The following SHCBP1L variants were observed in gnomAD, a reference collection of about 807,000 sequenced individuals.
The protein encoded by SHCBP1L is testicular spindle-associated protein SHCBP1L.
A neutral mutation model predicts 62.5 loss-of-function variants in SHCBP1L; 67 were observed. The observed-to-expected ratio is 1.07, with a 90% CI of 0.88 to 1.31. The LOEUF is 1.31. SHCBP1L is among the 40% of genes most tolerant of loss of function. The probability of loss-of-function intolerance (pLI) is 0.00; values close to 1 mark genes in which losing one functional copy is unlikely to be tolerated. For synonymous variants in SHCBP1L, 284 were observed against 289.4 expected, an observed-to-expected ratio of 0.98 and a Z score of 0.19; for missense variants, 823 against 809.8, an observed-to-expected ratio of 1.02 and a Z score of -0.20.
At chr1:182,915,415 AAAC>A (rs1419342262) in intron 6 of SHCBP1L, among the ~76,000 whole-genome samples, 2 of 152,254 alleles carry the variant, frequency 1.3e-5, no homozygotes, top group African/African-American at 2.4e-5. Context: ...TATGCAAACC[AAAC>A]AACAAGGTCT....
chr1:182,952,797 G>T lies in SHCBP1L; in HGVS notation c.337C>A (p.Arg113Ser), dbSNP rs761718095. The change falls in exon 1 of 10, where the codon CGT becomes AGT. Residue 113 changes from arginine (R) to serine (S), a missense_variant. Transcript: ENST00000367547. ...TCGTCCCGCCACATCCCCCTCATAC[G>T]GGACACGCAGACTGGGGGCAGGGGC... is the stretch of plus-strand genomic sequence containing the variant. ...AQPLPPVCVS[R>S]MRGMWRDEKV... 1 of 1,612,430 alleles carries T rather than the reference G, an allele frequency of 6.2e-7. No homozygotes were observed. The highest frequency in any genetic ancestry group is 1.3e-5 in the African/African-American group (1 of 74,632).
chr1:182,915,151 G>A (rs1650313455), intron 6 of SHCBP1L, among the ~76,000 whole-genome samples: 2 of 97,378 alleles, frequency 2.1e-5, no homozygotes, highest in Admixed American at 3.4e-4. Flanking sequence ...AACAGAGGCA[G>A]ACTCTGTCTC....
chr1:182,918,390 A>G (rs1650428436), intron 6 of SHCBP1L, among the ~76,000 whole-genome samples: 1 of 151,882 alleles, frequency 6.6e-6, no homozygotes, highest in African/African-American at 2.4e-5. Flanking sequence ...AAGAAAATTA[A>G]GAAAATTCCA....
chr1:182,947,295 C>A (rs1286748050), intron 2 of SHCBP1L, among the ~76,000 whole-genome samples: 2 of 151,170 alleles, frequency 1.3e-5, no homozygotes, highest in African/African-American at 4.9e-5. Flanking sequence ...TCTTTTTCTG[C>A]ATTTCTACAC....
At position 182,905,603 on chromosome 1, in the gene SHCBP1L, A is replaced by G; in HGVS notation, c.1229T>C (p.Leu410Ser). Residue 410 changes from leucine to serine, a missense_variant, in exon 7 of 10, where the codon TTG (leucine) becomes TCG (serine). Physicochemically the swap from Leu to Ser is moderately radical, Grantham distance 145. Coordinates refer to ENST00000367547, the MANE Select transcript of SHCBP1L (RefSeq NM_030933.4). ...SDTLLQQHGD[L>S]DLALDNCYSG... Reference sequence around the variant, plus strand: ...ATAACAATTATCCAAAGCCAAATCCAAATCACCATGCTGTTGGAGAAGTGT... The same window carrying G: ...ATAACAATTATCCAAAGCCAAATCCGAATCACCATGCTGTTGGAGAAGTGT... The G allele has an allele frequency of 6.2e-7, 1 of 1,613,768 alleles. No individual in the cohort carries two copies. The highest frequency in any genetic ancestry group is 8.5e-7 in the Non-Finnish European group (1 of 1,179,832).
At chr1:182,945,278 T>A (rs1229452497) in intron 2 of SHCBP1L, among the ~76,000 whole-genome samples, 1 of 152,178 alleles carries the variant, frequency 6.6e-6, no homozygotes, top group Non-Finnish European at 1.5e-5. Flanking sequence ...GCTCATTTTC[T>A]ACGTGGCTTT....
At chr1:182,929,517 T>A (rs1650891535) in intron 6 of SHCBP1L, 130 bp downstream of exon 6, 1 of 534,324 alleles carries the variant, frequency 1.9e-6, no homozygotes, top group Non-Finnish European at 3.2e-6. Context: ...TATATGGCAA[T>A]AACTGAGCTG....
chr1:182,915,347 G>A (rs1199440416), intron 6 of SHCBP1L, among the ~76,000 whole-genome samples: 3 of 151,972 alleles, frequency 2.0e-5, no homozygotes, highest in Non-Finnish European at 4.4e-5. Context: ...TAGAGACAAA[G>A]AAAGGTATTA....
chr1:182,904,528 T>TGTGTGA, intron 7 of SHCBP1L, 98 bp from the exon 8 acceptor site: 2 of 1,125,196 alleles, frequency 1.8e-6, no homozygotes, highest in Non-Finnish European at 1.3e-6. Context: ...AGTTTTTCCC[T>TGTGTGA]GTGTGCGTGT....
At chr1:182,903,581 TTC>T (rs1649909427) in intron 8 of SHCBP1L, among the ~76,000 whole-genome samples, 1 of 152,208 alleles carries the variant, frequency 6.6e-6, no homozygotes, top group African/African-American at 2.4e-5. Flanking sequence ...CTTCCTTTAA[TTC>T]TTTTTCTCAT....
chr1:182,939,116 T>C lies in SHCBP1L; in HGVS notation c.1076+60A>G, dbSNP rs911585520. 4 of 1,314,978 alleles carry C rather than the reference T, an allele frequency of 3.0e-6. No individual in the cohort carries two copies. In the African/African-American group the frequency reaches 4.4e-5, roughly 15 times the overall value. The allele number at this position is 1,314,978 out of a possible 1,614,324, so 81.5% of individuals were successfully genotyped here. On this transcript the variant is annotated intron_variant, in intron 5 of 9. Coordinates refer to ENST00000367547, the MANE Select transcript of SHCBP1L (RefSeq NM_030933.4). ...AGAACATATACCACAAATTAAGTGC[T>C]ATGATAAAATAATAACCATGTAAAC...
chr1:182,934,415 T>A (rs1404729968), intron 5 of SHCBP1L, among the ~76,000 whole-genome samples: 1 of 152,186 alleles, frequency 6.6e-6, no homozygotes, highest in African/African-American at 2.4e-5. Context: ...TCACTGCTGT[T>A]TTAATTTGCA....
In SHCBP1L at chr1:182,952,687, A is replaced by T. The variant is rs139877669; in HGVS notation, c.405+42T>A. The T allele has an allele frequency of 1.4e-3, 2,227 of 1,546,912 alleles. 25 individuals carry two copies. In the African/African-American group the frequency reaches 0.024, roughly 17 times the overall value. ...CCCAGATGCCTGTCCCCAGGTTCCG[A>T]CGAGCTTCCGACCGTAGTCTTCCTG... On this transcript the variant is annotated intron_variant, in intron 1 of 9. Coordinates refer to ENST00000367547, the MANE Select transcript of SHCBP1L (RefSeq NM_030933.4).
chr1:182,941,872 A>G (rs189624580), intron 2 of SHCBP1L, among the ~76,000 whole-genome samples: 2 of 152,314 alleles, frequency 1.3e-5, no homozygotes, highest in East Asian at 3.9e-4. Flanking sequence ...ATAATTCAAT[A>G]TCCCACACTA....
At chr1:182,924,744 GAAAGA>G (rs1650640222) in intron 6 of SHCBP1L, among the ~76,000 whole-genome samples, 2 of 77,546 alleles carry the variant, frequency 2.6e-5, no homozygotes, top group Non-Finnish European at 4.2e-5. Flanking sequence ...AAGAAAGAAA[GAAAGA>G]AAGAAAGAAA....
chr1:182,942,275 T>A (rs1487992032), intron 2 of SHCBP1L: 15 of 1,242,932 alleles, frequency 1.2e-5, no homozygotes, highest in Middle Eastern at 1.9e-4. Context: ...TGAAGATTTA[T>A]CCTTCGCTGC....
At chr1:182,952,644 T>C (rs1571364700) in intron 1 of SHCBP1L, 85 bp downstream of exon 1, 1 of 1,452,602 alleles carries the variant, frequency 6.9e-7, no homozygotes, top group South Asian at 1.4e-5. Context: ...TGGATCCCCA[T>C]CCGCCTAAGA....
intron 6 of SHCBP1L, among the ~76,000 whole-genome samples, chr1:182,920,206 C>A (rs572038173): frequency 6.6e-6 from 1 of 152,264 alleles, no homozygotes; most frequent in South Asian, 2.1e-4. Context: ...AACACCTCAG[C>A]CCCTCCAGTG....
intron 6 of SHCBP1L, among the ~76,000 whole-genome samples, chr1:182,912,584 G>A (rs757363178): frequency 9.2e-5 from 14 of 151,608 alleles, no homozygotes; most frequent in South Asian, 4.2e-4. Context: ...GTGCAGTGGC[G>A]CAATCTCGGT....
Sources: gnomAD v4.1 joint callset for allele counts (sites outside exome capture counted in the v4.1 genomes callset) on GRCh38, gnomAD v4.1.1 for gene constraint, MANE v1.5 for transcripts, NCBI Gene and HGNC (gene_info 2026-07-23, HGNC 2026-07-21) for gene names.